Variants in MAF observed in about 807,000 individuals in gnomAD.
The protein encoded by MAF is transcription factor Maf.
In MAF, 10 loss-of-function variants were observed where a neutral mutation model predicts 22.0. That is an observed-to-expected ratio of 0.45 (90% CI 0.28 to 0.77). MAF has a LOEUF of 0.77. MAF is among the 30% of genes least tolerant of loss of function. The probability of loss-of-function intolerance (pLI) is 0.12; values close to 1 mark genes in which losing one functional copy is unlikely to be tolerated. For missense variants in MAF, 544 were observed against 548.4 expected, an observed-to-expected ratio of 0.99 and a Z score of 0.08; for synonymous variants, 337 against 255.8, an observed-to-expected ratio of 1.32 and a Z score of -3.03.
chr16:79,245,392 G>T, the MAF span, among the ~76,000 whole-genome samples: 1 of 151,870 alleles, frequency 6.6e-6, no homozygotes, highest in Non-Finnish European at 1.5e-5. Flanking sequence ...TCAAAAAGTG[G>T]GCAAAGGATA....
chr16:79,541,739 C>G, the MAF span, among the ~76,000 whole-genome samples: 50 of 150,714 alleles, frequency 3.3e-4, no homozygotes, highest in Admixed American at 2.6e-3. Context: ...TCACTGCAAC[C>G]TCCACCTCCG....
At chr16:79,205,242 A>C in the MAF span, 4,141 of 152,190 alleles carry the variant, frequency 0.027, 211 homozygotes, top group African/African-American at 0.095. Flanking sequence ...ATTTATGGTG[A>C]TGGACTGGCA....
chr16:79,334,265 C>A, the MAF span, among the ~76,000 whole-genome samples: 5 of 152,172 alleles, frequency 3.3e-5, no homozygotes, highest in African/African-American at 7.2e-5. Context: ...TGCACAGCGA[C>A]GGCAAAGAAG....
the MAF span, among the ~76,000 whole-genome samples, chr16:79,220,858 A>G: frequency 2.6e-5 from 4 of 152,174 alleles, no homozygotes; most frequent in Non-Finnish European, 5.9e-5. Context: ...GCTGCTGATC[A>G]GTTTATTTTC....
chr16:79,520,934 T>G, the MAF span, among the ~76,000 whole-genome samples: 1 of 151,988 alleles, frequency 6.6e-6, no homozygotes, highest in Admixed American at 6.6e-5. Context: ...AAAGAAGGAG[T>G]TACCATCACC....
chr16:79,548,176 C>T, the MAF span, among the ~76,000 whole-genome samples: 1 of 152,108 alleles, frequency 6.6e-6, no homozygotes, highest in African/African-American at 2.4e-5. Context: ...GTCAATTTCT[C>T]TTCAAGATTT....
chr16:79,270,831 A>G, the MAF span, among the ~76,000 whole-genome samples: 1 of 151,776 alleles, frequency 6.6e-6, no homozygotes, highest in East Asian at 1.9e-4. Context: ...AACCCTATAC[A>G]CAGACACAGA....
the MAF span, among the ~76,000 whole-genome samples, chr16:79,337,610 A>C: frequency 6.6e-6 from 1 of 152,116 alleles, no homozygotes; most frequent in African/African-American, 2.4e-5. Flanking sequence ...ATTTGCAAGC[A>C]AGCTGACCCA....
At chr16:79,205,371 T>C in the MAF span, 1 of 152,048 alleles carries the variant, frequency 6.6e-6, no homozygotes, top group Non-Finnish European at 1.5e-5. Context: ...GAGCCTGAGG[T>C]TTTTCTACCT....
At chr16:79,558,979 A>G in the MAF span, among the ~76,000 whole-genome samples, 1 of 152,196 alleles carries the variant, frequency 6.6e-6, no homozygotes, top group African/African-American at 2.4e-5. Context: ...TTTCTGAACC[A>G]ACAGAAACAC....
At chr16:79,278,423 A>C in the MAF span, among the ~76,000 whole-genome samples, 1 of 152,222 alleles carries the variant, frequency 6.6e-6, no homozygotes. Context: ...AAAAAGAAAC[A>C]AACAAGGTCT....
At position 79,599,648 on chromosome 16, in the gene MAF, C is replaced by A. The variant is rs1268493730; in HGVS notation, c.255G>T (p.Lys85Asn). Residue 85 changes from lysine (K) to asparagine (N), a missense_variant, in exon 1 of 2, where the codon AAG (lysine) becomes AAT (asparagine). Physicochemically the swap from Lys to Asn is moderately conservative, Grantham distance 94. This residue lies in a region of MAF where 342 missense variants were observed against 315.5 expected (regional missense o/e 1.08). Transcript: ENST00000326043. The stretch of plus-strand genomic sequence containing the variant: ...TCCAGTAGTAGTCTTCCAGGTGCGC[C>A]TTCTGCTCGCTGCCCGAGCCCGGGC... Reference protein sequence around the residue: ...APSPGSGSEQKAHLEDYYWMT... With the variant: ...APSPGSGSEQNAHLEDYYWMT... The A allele has an allele frequency of 1.2e-6, 2 of 1,611,790 alleles. No homozygotes were observed. The highest frequency in any genetic ancestry group is 1.1e-5 in the South Asian group (1 of 90,876).
the MAF span, among the ~76,000 whole-genome samples, chr16:79,400,609 A>T: frequency 0.051 from 7,733 of 152,302 alleles, 447 homozygotes; most frequent in African/African-American, 0.14. Flanking sequence ...CGGGTTTCCC[A>T]GGAGGCGAAA....
chr16:79,346,395 T>C, the MAF span, among the ~76,000 whole-genome samples: 1 of 151,514 alleles, frequency 6.6e-6, no homozygotes, highest in East Asian at 1.9e-4. Context: ...TTTGTTCTAA[T>C]GAAAAACAAG....
the MAF span, among the ~76,000 whole-genome samples, chr16:79,576,652 T>A: frequency 6.6e-6 from 1 of 152,114 alleles, no homozygotes; most frequent in Non-Finnish European, 1.5e-5. Flanking sequence ...ACGTCCAATA[T>A]CATAACGGCA....
the MAF span, among the ~76,000 whole-genome samples, chr16:79,319,078 A>T: frequency 6.6e-6 from 1 of 152,064 alleles, no homozygotes; most frequent in African/African-American, 2.4e-5. Flanking sequence ...TCTCCAGCAG[A>T]TTTCCCTTCA....
the MAF span, among the ~76,000 whole-genome samples, chr16:79,321,013 C>T: frequency 1.3e-5 from 2 of 152,196 alleles, no homozygotes; most frequent in African/African-American, 4.8e-5. Context: ...AGGTGACTAA[C>T]TGAGGAGTCT....
the MAF span, among the ~76,000 whole-genome samples, chr16:79,329,255 A>G: frequency 2.6e-5 from 4 of 152,158 alleles, no homozygotes; most frequent in African/African-American, 4.8e-5. Context: ...CCAGTTCCTT[A>G]TAAGAAGGGG....
the MAF span, among the ~76,000 whole-genome samples, chr16:79,321,157 G>A: frequency 6.6e-6 from 1 of 152,182 alleles, no homozygotes; most frequent in African/African-American, 2.4e-5. Context: ...TACATACAGT[G>A]ATTCTCCTCG....
Sources: gnomAD v4.1 joint callset for allele counts (sites outside exome capture counted in the v4.1 genomes callset) on GRCh38, gnomAD v4.1.1 for gene constraint, gnomAD v4.1.1 regional missense constraint, MANE v1.5 for transcripts, NCBI Gene and HGNC (gene_info 2026-07-23, HGNC 2026-07-21) for gene names.